Variants in MAP2K4 observed in about 807,000 individuals in gnomAD.
The protein encoded by MAP2K4 is mitogen-activated protein kinase kinase 4.
In MAP2K4, 4 loss-of-function variants were observed where a neutral mutation model predicts 48.5. The observed-to-expected ratio is 0.08, with a 90% CI of 0.04 to 0.19. MAP2K4 has a LOEUF of 0.19. Among genes scored for constraint, MAP2K4 ranks in the 10% least tolerant of loss-of-function variants. MAP2K4 has a pLI of 1.00. For synonymous variants in MAP2K4, 166 were observed against 173.1 expected, an observed-to-expected ratio of 0.96 and a Z score of 0.32; for missense variants, 258 against 493.3, an observed-to-expected ratio of 0.52 and a Z score of 4.52.
chr17:12,088,866 T>C (rs1417666570), intron 3 of MAP2K4, among the ~76,000 whole-genome samples: 1 of 151,050 alleles, frequency 6.6e-6, no homozygotes, highest in South Asian at 2.1e-4. Flanking sequence ...CATCATATAA[T>C]TGGACAGGAC....
chr17:12,108,018 TA>T (rs2151573480), intron 5 of MAP2K4, 109 bp downstream of exon 5: 1 of 993,414 alleles, frequency 1.0e-6, no homozygotes, highest in South Asian at 2.1e-5. Flanking sequence ...TTCCTGAAAA[TA>T]ATTCATAGTT....
intron 2 of MAP2K4, among the ~76,000 whole-genome samples, chr17:12,076,279 C>CTGTGTGTGTGTGTGTGTGTGTGTGTG (rs372806903): frequency 7.4e-6 from 1 of 135,174 alleles, no homozygotes; most frequent in African/African-American, 2.8e-5. Context: ...TGTCACAGTT[C>CTGTGTGTGTGTGTGTGTGTGTGTGTG]TGTGTGTGTG....
At chr17:12,023,701 G>A (rs1892008991) in intron 1 of MAP2K4, among the ~76,000 whole-genome samples, 1 of 152,084 alleles carries the variant, frequency 6.6e-6, no homozygotes, top group African/African-American at 2.4e-5. Flanking sequence ...GTCCAGGCTG[G>A]CCAATATTGC....
chr17:12,040,132 T>G (rs1033800813), intron 1 of MAP2K4, among the ~76,000 whole-genome samples: 5 of 152,194 alleles, frequency 3.3e-5, no homozygotes, highest in Non-Finnish European at 7.3e-5. Context: ...ATCCATATAG[T>G]GTAAAGTTCT....
intron 1 of MAP2K4, among the ~76,000 whole-genome samples, chr17:12,023,243 G>A (rs897655759): frequency 2.0e-5 from 3 of 152,170 alleles, no homozygotes; most frequent in Non-Finnish European, 4.4e-5. Flanking sequence ...CTGTTATAAA[G>A]CTTGAACTTA....
intron 4 of MAP2K4, among the ~76,000 whole-genome samples, chr17:12,096,182 G>C (rs1053550718): frequency 1.1e-4 from 16 of 147,482 alleles, no homozygotes; most frequent in African/African-American, 4.0e-4. Context: ...CCATAATCCT[G>C]AAGTATACCC....
Position 12,020,958 on chromosome 17 carries a change from A to G in MAP2K4, c.72A>G (p.Val24=), listed in dbSNP as rs1969011905. The change falls in exon 1 of 11, where the codon GTA becomes GTG. Residue 24 remains valine, a synonymous_variant. Coordinates refer to ENST00000353533, the MANE Select transcript of MAP2K4 (RefSeq NM_003010.4). Reference sequence around the variant, plus strand: ...GCGGCAGCGGCACCCCCGGCCCCGTAGGGTCCCCGGCGCCAGGCCACCCGG... The same window carrying G: ...GCGGCAGCGGCACCCCCGGCCCCGTGGGGTCCCCGGCGCCAGGCCACCCGG... The part of the protein sequence containing the change: ...GGSGSGTPGP[V]GSPAPGHPAV... The G allele has an allele frequency of 1.7e-6, 2 of 1,210,642 alleles. No individual in the cohort carries two copies. Among genetic ancestry groups the G allele is most frequent in the Non-Finnish European group, 2.1e-6 (2 of 975,116 alleles). 75.0% of individuals were successfully genotyped at this position (1,210,642 alleles called of 1,614,324 possible).
intron 6 of MAP2K4, chr17:12,113,028 C>T (rs1972358007): frequency 4.7e-6 from 2 of 421,888 alleles, no homozygotes; most frequent in African/African-American, 3.9e-5. Context: ...TACATTTACA[C>T]AATTATAGTT....
At chr17:12,086,809 T>C (rs1470359395) in intron 3 of MAP2K4, among the ~76,000 whole-genome samples, 3 of 150,346 alleles carry the variant, frequency 2.0e-5, no homozygotes, top group Non-Finnish European at 4.4e-5. Context: ...TACATAGTTA[T>C]CTGGAGAAAA....
chr17:12,058,569 C>A (rs1019882300), intron 2 of MAP2K4, among the ~76,000 whole-genome samples: 1 of 152,068 alleles, frequency 6.6e-6, no homozygotes, highest in African/African-American at 2.4e-5. Flanking sequence ...AATTGCATAC[C>A]TACCCAAAAG....
intron 7 of MAP2K4, among the ~76,000 whole-genome samples, chr17:12,116,589 T>G (rs1336926551): frequency 6.6e-6 from 1 of 152,238 alleles, no homozygotes; most frequent in Non-Finnish European, 1.5e-5. Context: ...TGTATCTTTA[T>G]TCCGTAAGGC....
intron 1 of MAP2K4, among the ~76,000 whole-genome samples, chr17:12,035,925 T>G (rs1269504560): frequency 4.6e-5 from 7 of 152,224 alleles, no homozygotes; most frequent in Non-Finnish European, 8.8e-5. Flanking sequence ...CACTCTCTTT[T>G]AATCACTTTA....
At chr17:12,061,890 CA>C (rs1970458432) in intron 2 of MAP2K4, among the ~76,000 whole-genome samples, 1 of 146,844 alleles carries the variant, frequency 6.8e-6, no homozygotes, top group Non-Finnish European at 1.5e-5. Flanking sequence ...TAACTTTTTT[CA>C]GTGTGTTTTT....
intron 7 of MAP2K4, among the ~76,000 whole-genome samples, chr17:12,119,188 A>G (rs1051025565): frequency 2.0e-5 from 3 of 152,232 alleles, no homozygotes; most frequent in Admixed American, 6.5e-5. Context: ...ATCAAAAGAA[A>G]CTATCAACAG....
rs1971794602 is a variant in MAP2K4 at position 12,097,481 on chromosome 17, A to T, written c.513+1787A>T. Among the ~76,000 whole-genome samples, 3 of 152,248 alleles carry T rather than the reference A, an allele frequency of 2.0e-5. No individual in the cohort carries two copies. In the South Asian group the frequency reaches 6.2e-4, roughly 32 times the overall value. The stretch of plus-strand genomic sequence containing the variant: ...GAGTAAGTCATATTCATGATTGACA[A>T]AGATGTGGAAACAAAGCACGGAAGC... On this transcript the variant is annotated intron_variant, in intron 4 of 10. Transcript: ENST00000353533.
chr17:12,053,137 A>G (rs1490631217), intron 1 of MAP2K4, among the ~76,000 whole-genome samples: 1 of 152,144 alleles, frequency 6.6e-6, no homozygotes, highest in African/African-American at 2.4e-5. Flanking sequence ...AATATTTTCT[A>G]AAGAAAAATT....
Position 12,138,994 on chromosome 17 carries a change from G to A in MAP2K4, c.1041-845G>A, listed in dbSNP as rs1320876846. On this transcript the variant is annotated intron_variant, in intron 9 of 10. Transcript: ENST00000353533. ...GTCTGCTGGCGGCTTGCCCCACAGT[G>A]GAAGAATAAGTCCTTCCTTCTTAAA... Among the ~76,000 whole-genome samples, 3 of 152,170 alleles carry A rather than the reference G, an allele frequency of 2.0e-5. No homozygotes were observed. The East Asian group carries it at 5.8e-4, about 29-fold the overall frequency.
chr17:12,110,553 T>C (rs1259969810), intron 6 of MAP2K4, 127 bp downstream of exon 6: 1 of 680,098 alleles, frequency 1.5e-6, no homozygotes, highest in African/African-American at 1.8e-5. Flanking sequence ...TAGCAAAAAA[T>C]GCTTTATGTA....
At chr17:12,058,910 T>G (rs1970366740) in intron 2 of MAP2K4, among the ~76,000 whole-genome samples, 1 of 152,192 alleles carries the variant, frequency 6.6e-6, no homozygotes, top group African/African-American at 2.4e-5. Flanking sequence ...CTGATCAGTC[T>G]TTTAAACTAG....
Sources: allele counts gnomAD v4.1 joint callset (sites outside exome capture counted in the v4.1 genomes callset), GRCh38; gene constraint gnomAD v4.1.1; transcripts MANE v1.5; gene names NCBI Gene and HGNC (gene_info 2026-07-23, HGNC 2026-07-21).